ITGA7: variants seen among roughly 807,000 people sequenced by gnomAD.
The protein encoded by ITGA7 is integrin alpha-7.
ITGA7 carries 84 observed loss-of-function variants against 131.6 expected under a neutral mutation model. The ratio of observed to expected loss-of-function variants is 0.64; its 90% CI spans 0.54 to 0.77. ITGA7 has a LOEUF of 0.77. Ranked by LOEUF, ITGA7 falls within the 30% of genes least tolerant of loss-of-function variation. ITGA7 has a pLI of 0.00. For missense variants in ITGA7, 1,399 were observed against 1,482.9 expected, an observed-to-expected ratio of 0.94 and a Z score of 0.93; for synonymous variants, 548 against 600.7, an observed-to-expected ratio of 0.91 and a Z score of 1.28.
rs746622910 is a variant in ITGA7 at position 55,694,967 on chromosome 12, ATCCCTGGAGAGTCAG to A, written c.2004-12_2006del. 6.2e-7 allele frequency: 1 copy of A among 1,613,050 alleles called. No homozygotes were observed. Among genetic ancestry groups the A allele is most frequent in the Non-Finnish European group, 8.5e-7 (1 of 1,179,934 alleles). On this transcript the variant is annotated splice_acceptor_variant and splice_polypyrimidine_tract_variant and coding_sequence_variant and intron_variant, in exon 15 of 25. Coordinates refer to ENST00000257879, the MANE Select transcript of ITGA7 (RefSeq NM_002206.3). LOFTEE classifies it high-confidence loss of function. The surrounding 1 kb of genome is among the most constrained non-coding windows in gnomAD (Gnocchi z 5.3). Reference sequence around the variant, plus strand: ...CAAACAGGGCTGTTGTTCCATCCACATCCCTGGAGAGTCAGACCCCACTCCTGCTAAGTTCTGAAC... The same window carrying A: ...CAAACAGGGCTGTTGTTCCATCCACAACCCCACTCCTGCTAAGTTCTGAAC...
At chr12:55,687,944 C>G (rs758584095) in intron 24 of ITGA7, 27 bp downstream of exon 24, 3 of 1,613,808 alleles carry the variant, frequency 1.9e-6, no homozygotes, top group Admixed American at 1.7e-5. Context: ...GAAGTCCACC[C>G]CCATCAGCCC....
chr12:55,690,969 T>G (rs1195262348), intron 21 of ITGA7, among the ~76,000 whole-genome samples: 2 of 151,252 alleles, frequency 1.3e-5, no homozygotes, highest in Non-Finnish European at 2.9e-5. Flanking sequence ...GGGACTGTTG[T>G]GGGGTGGGGG....
chr12:55,701,227 C>T, intron 3 of ITGA7, 73 bp from the exon 4 acceptor site: 2 of 1,609,608 alleles, frequency 1.2e-6, no homozygotes, highest in East Asian at 2.2e-5. Flanking sequence ...TGCCCATATG[C>T]AGAGATTTGG....
In ITGA7 at chr12:55,697,356, C is replaced by T. The variant is rs77584413; in HGVS notation, c.1506-79G>A. Reference sequence around the variant, plus strand: ...CTACCCCCACCCCATCTGTCACATCCTGTCACAGCCCCAGCCCCAAACTGG... The same window carrying T: ...CTACCCCCACCCCATCTGTCACATCTTGTCACAGCCCCAGCCCCAAACTGG... On this transcript the variant is annotated intron_variant, in intron 10 of 24. Coordinates refer to ENST00000257879, the MANE Select transcript of ITGA7 (RefSeq NM_002206.3). The T allele has an allele frequency of 3.1e-3, 4,806 of 1,575,714 alleles. 127 individuals are homozygous for T. In the African/African-American group the frequency reaches 0.059, roughly 19 times the overall value.
In ITGA7 at chr12:55,700,423, G is replaced by A. The variant is rs1267693500; in HGVS notation, c.671-434C>T. The A allele has an allele frequency of 3.8e-6, 6 of 1,585,980 alleles. No individual in the cohort carries two copies. In the Admixed American group the frequency reaches 5.7e-5, roughly 15 times the overall value. On this transcript the variant is annotated intron_variant, in intron 4 of 24. Transcript: ENST00000257879. ...AAGGACAGACCTGTTAGTGCCCAGG[G>A]CAGGGCGCAAGGAACACCCCTCAGG...
intron 21 of ITGA7, among the ~76,000 whole-genome samples, chr12:55,689,520 T>C (rs1592409596): frequency 6.6e-6 from 1 of 152,200 alleles, no homozygotes; most frequent in Non-Finnish European, 1.5e-5. Context: ...TCAGGCTCTG[T>C]TCTTTCCAGG....
At chr12:55,698,241 C>A in intron 7 of ITGA7, 142 bp downstream of exon 7, 1 of 920,514 alleles carries the variant, frequency 1.1e-6, no homozygotes, top group Non-Finnish European at 1.6e-6. Context: ...GGTCAGAAAG[C>A]TGGTAAATGG....
At chr12:55,696,453 T>C in intron 12 of ITGA7, 21 bp from the exon 13 acceptor site, 1 of 1,587,088 alleles carries the variant, frequency 6.3e-7, no homozygotes. Flanking sequence ...GAAGGTCTAT[T>C]CCTCACTGGA....
intron 1 of ITGA7, among the ~76,000 whole-genome samples, chr12:55,705,347 G>A (rs1049357437): frequency 4.7e-5 from 7 of 150,512 alleles, no homozygotes; most frequent in African/African-American, 1.7e-4. Flanking sequence ...GACAGCCACA[G>A]TGTAGCCACT....
chr12:55,700,010 C>T, intron 4 of ITGA7, 21 bp from the exon 5 acceptor site: 3 of 1,613,538 alleles, frequency 1.9e-6, no homozygotes, highest in Non-Finnish European at 2.5e-6. Context: ...TGGGGTGAGA[C>T]ACCAGGGAGG....
chr12:55,712,238 G>A (rs751743977), upstream of ITGA7: 2 of 1,551,488 alleles, frequency 1.3e-6, no homozygotes, highest in East Asian at 2.4e-5. Flanking sequence ...CACTTGAGAA[G>A]GACTGGGAGG....
At position 55,696,447 on chromosome 12, in the gene ITGA7, G is replaced by T; in HGVS notation, c.1738-15C>A. On this transcript the variant is annotated splice_polypyrimidine_tract_variant and intron_variant, in intron 12 of 24. Transcript: ENST00000257879. The stretch of plus-strand genomic sequence containing the variant: ...TTGACATTTTCCTAGGAAGAGGAAG[G>T]TCTATTCCTCACTGGAACAATCCCC... The T allele has an allele frequency of 6.3e-7, 1 of 1,590,292 alleles. No individual in the cohort carries two copies. Among genetic ancestry groups the T allele is most frequent in the Non-Finnish European group, 8.6e-7 (1 of 1,166,298 alleles).
chr12:55,710,602 C>T (rs1876006786), upstream of ITGA7, among the ~76,000 whole-genome samples: 1 of 151,656 alleles, frequency 6.6e-6, no homozygotes, highest in African/African-American at 2.4e-5. Flanking sequence ...CATAGGGAGA[C>T]CCCCATCTCT....
upstream of ITGA7, chr12:55,715,914 C>A: frequency 9.1e-7 from 1 of 1,102,444 alleles, no homozygotes; most frequent in South Asian, 1.7e-5. Context: ...TCTTCCAACA[C>A]TCACCAAAAA....
At chr12:55,701,504 G>A in intron 3 of ITGA7, 1 of 1,359,672 alleles carries the variant, frequency 7.4e-7, no homozygotes, top group Non-Finnish European at 1.0e-6. Context: ...TGCCAAGCTT[G>A]GCCCTGTCCC....
At chr12:55,708,679 T>C (rs1875725790), upstream of ITGA7, among the ~76,000 whole-genome samples, 1 of 148,614 alleles carries the variant, frequency 6.7e-6, no homozygotes, top group Admixed American at 6.7e-5. Context: ...GGGAGGGGAG[T>C]GGGTGTCAAA....
intron 19 of ITGA7, 43 bp from the exon 20 acceptor site, chr12:55,693,360 C>CTTTTTTTT: frequency 8.2e-7 from 1 of 1,221,796 alleles, no homozygotes; most frequent in Non-Finnish European, 1.1e-6. Context: ...CTCAGTTTTT[C>CTTTTTTTT]TTTTTTTTTT....
intron 22 of ITGA7, 80 bp from the exon 23 acceptor site, chr12:55,688,380 T>A: frequency 2.9e-6 from 3 of 1,024,512 alleles, no homozygotes; most frequent in Non-Finnish European, 4.6e-6. Context: ...AAATTATAAA[T>A]GTAATGGTGC....
At chr12:55,708,067 C>A, upstream of ITGA7, 1 of 978,484 alleles carries the variant, frequency 1.0e-6, no homozygotes, top group Non-Finnish European at 1.2e-6. Context: ...ACCACGCCCC[C>A]CAAGCCCAGC....
Sources: gnomAD v4.1 joint callset for allele counts (sites outside exome capture counted in the v4.1 genomes callset) on GRCh38, gnomAD v4.1.1 for gene constraint, Gnocchi (gnomAD v3.1) non-coding constraint, MANE v1.5 for transcripts, NCBI Gene and HGNC (gene_info 2026-07-23, HGNC 2026-07-21) for gene names.